Variants in LCORL observed in about 807,000 individuals in gnomAD.
LCORL encodes the protein ligand-dependent nuclear receptor corepressor-like protein.
In LCORL, 41 loss-of-function variants were observed where a neutral mutation model predicts 141.8. The ratio of observed to expected loss-of-function variants is 0.29; its 90% CI spans 0.23 to 0.38. The LOEUF (loss-of-function observed/expected upper bound fraction) is 0.38. Among genes scored for constraint, LCORL ranks in the 10% least tolerant of loss-of-function variants. LCORL has a pLI of 1.00. For synonymous variants in LCORL, 618 were observed against 694.1 expected (o/e 0.89, Z 1.72); for missense variants, 1,759 against 2,035.0 (o/e 0.86, Z 2.61).
chr4:17,921,631 G>C (rs988699444), intron 4 of LCORL, among the ~76,000 whole-genome samples: 2 of 152,122 alleles, frequency 1.3e-5, no homozygotes, highest in Non-Finnish European at 2.9e-5. Context: ...TTTCTTCTGA[G>C]TGGTAGGTCT....
At chr4:17,883,064 C>T (rs1405877727) in intron 6 of LCORL, 1 of 976,914 alleles carries the variant, frequency 1.0e-6, no homozygotes, top group Non-Finnish European at 1.2e-6. Flanking sequence ...TAAACCCCAA[C>T]TTCTTGCTAA....
At chr4:17,862,228 C>T (rs1368022890) in intron 7 of LCORL, among the ~76,000 whole-genome samples, 1 of 152,206 alleles carries the variant, frequency 6.6e-6, no homozygotes, top group Admixed American at 6.5e-5. Flanking sequence ...CACAGTTTCA[C>T]ATTGCTGGGG....
chr4:17,874,273 T>C (rs1262235939), exon 7 of LCORL: 5 of 1,233,840 alleles, frequency 4.1e-6, no homozygotes, highest in South Asian at 4.1e-5. Flanking sequence ...TTATGCAGTA[T>C]ATGCAATTTC....
At chr4:17,971,498 G>A (rs1167253609) in intron 2 of LCORL, among the ~76,000 whole-genome samples, 2 of 149,206 alleles carry the variant, frequency 1.3e-5, no homozygotes, top group African/African-American at 2.4e-5. Flanking sequence ...CCTATAATGA[G>A]CAGCCTTATA....
At chr4:17,922,262 T>G (rs530799487) in intron 4 of LCORL, among the ~76,000 whole-genome samples, 3 of 152,330 alleles carry the variant, frequency 2.0e-5, no homozygotes, top group African/African-American at 7.2e-5. Context: ...GTTTCTGGAA[T>G]TGGCTGCTTA....
At chr4:17,894,940 T>C (rs1308415564) in intron 5 of LCORL, among the ~76,000 whole-genome samples, 2 of 151,844 alleles carry the variant, frequency 1.3e-5, no homozygotes, top group African/African-American at 4.8e-5. Context: ...GATCAGTGTG[T>C]TCTGATGGTG....
chr4:17,921,303 C>T (rs1172619336), intron 4 of LCORL, among the ~76,000 whole-genome samples: 4 of 152,122 alleles, frequency 2.6e-5, no homozygotes, highest in African/African-American at 7.2e-5. Flanking sequence ...GCTGAGATTA[C>T]AGGCGTTGAG....
intron 6 of LCORL, among the ~76,000 whole-genome samples, chr4:17,880,191 T>G (rs748658022): frequency 6.6e-6 from 1 of 151,098 alleles, no homozygotes; most frequent in Non-Finnish European, 1.5e-5. Flanking sequence ...TTCTATCTTA[T>G]GTATCAGATA....
At chr4:17,897,761 C>A (rs1011297119) in intron 5 of LCORL, among the ~76,000 whole-genome samples, 4 of 152,118 alleles carry the variant, frequency 2.6e-5, no homozygotes, top group African/African-American at 7.2e-5. Flanking sequence ...CTCCTGTATT[C>A]TTTTAACAAA....
chr4:17,924,413 G>A (rs1287892317), intron 4 of LCORL, among the ~76,000 whole-genome samples: 1 of 152,138 alleles, frequency 6.6e-6, no homozygotes, highest in African/African-American at 2.4e-5. Context: ...ACCTGGCTAC[G>A]GCCACTGCTG....
intron 1 of LCORL, among the ~76,000 whole-genome samples, chr4:18,016,216 G>C (rs1446311350): frequency 6.6e-6 from 1 of 152,066 alleles, no homozygotes; most frequent in Non-Finnish European, 1.5e-5. Context: ...CTATATGAAA[G>C]ACACATATCA....
At chr4:17,928,597 AG>A (rs1294799880) in intron 4 of LCORL, among the ~76,000 whole-genome samples, 2 of 152,188 alleles carry the variant, frequency 1.3e-5, no homozygotes, top group African/African-American at 4.8e-5. Flanking sequence ...AATCTCATTA[AG>A]GGTATCTGTA....
At position 18,015,928 on chromosome 4, in the gene LCORL, T is replaced by C. The variant is rs376244563; in HGVS notation, c.154+5670A>G. On this transcript the variant is annotated intron_variant, in intron 1 of 7. Transcript: ENST00000635767. ...AGTTACCACATAGCCAAAAGATTCCTTTCGGTATCAAAGGCCTTCCTGGTT... is the reference window on the plus strand; with the variant it reads ...AGTTACCACATAGCCAAAAGATTCCCTTCGGTATCAAAGGCCTTCCTGGTT... 2.1e-4 allele frequency among the ~76,000 whole-genome samples: 32 copies of C among 151,754 alleles called. 1 individual carries two copies. The South Asian group carries it at 3.8e-3, about 18-fold the overall frequency.
At chr4:18,003,420 G>T (rs1395094838) in intron 1 of LCORL, among the ~76,000 whole-genome samples, 1 of 143,516 alleles carries the variant, frequency 7.0e-6, no homozygotes, top group Non-Finnish European at 1.5e-5. Context: ...TTACTTTCAG[G>T]TGTTTGACTT....
intron 2 of LCORL, among the ~76,000 whole-genome samples, chr4:17,968,840 T>A (rs566516016): frequency 4.6e-4 from 70 of 152,360 alleles, no homozygotes; most frequent in Non-Finnish European, 8.8e-4. Context: ...TTTTAGTTCA[T>A]AAGCCATTCA....
chr4:17,953,989 C>T (rs933768087), intron 4 of LCORL, among the ~76,000 whole-genome samples: 1 of 152,016 alleles, frequency 6.6e-6, no homozygotes, highest in African/African-American at 2.4e-5. Flanking sequence ...CGGTGAAACC[C>T]CGTCTCTACT....
intron 4 of LCORL, among the ~76,000 whole-genome samples, chr4:17,926,462 G>A (rs533082853): frequency 6.6e-6 from 1 of 152,202 alleles, no homozygotes; most frequent in African/African-American, 2.4e-5. Context: ...AAGTTCTTCA[G>A]CTTTTCGACT....
chr4:17,976,737 G>C (rs1717068253), intron 1 of LCORL, among the ~76,000 whole-genome samples: 1 of 152,056 alleles, frequency 6.6e-6, no homozygotes, highest in South Asian at 2.1e-4. Context: ...ATGTTGTTTT[G>C]AGTATAAAGT....
At chr4:17,911,893 A>C in intron 4 of LCORL, 1 of 490,010 alleles carries the variant, frequency 2.0e-6, no homozygotes, top group East Asian at 4.6e-5. Flanking sequence ...TCTGGCAGGA[A>C]AGGGAGGCAT....
Sources: gnomAD v4.1 joint callset for allele counts (sites outside exome capture counted in the v4.1 genomes callset) on GRCh38, gnomAD v4.1.1 for gene constraint, MANE v1.5 for transcripts, NCBI Gene and HGNC (gene_info 2026-07-23, HGNC 2026-07-21) for gene names.